The following RUFY1 variants were observed in gnomAD, a reference collection of about 807,000 sequenced individuals.
The protein encoded by RUFY1 is RUN and FYVE domain-containing protein 1.
A neutral mutation model predicts 94.6 loss-of-function variants in RUFY1; 54 were observed. That is an observed-to-expected ratio of 0.57 (90% CI 0.46 to 0.72). RUFY1 has a LOEUF of 0.72. RUFY1 is among the 30% of genes least tolerant of loss of function. The pLI is 0.00. For synonymous variants in RUFY1, 396 were observed against 347.3 expected (o/e 1.14, Z -1.56); for missense variants, 883 against 883.9 (o/e 1.00, Z 0.01).
At chr5:179,601,270 G>A (rs1766355319) in intron 14 of RUFY1, among the ~76,000 whole-genome samples, 1 of 151,896 alleles carries the variant, frequency 6.6e-6, no homozygotes, top group Non-Finnish European at 1.5e-5. Flanking sequence ...CCGGGTTCAA[G>A]CAGTTCTCTT....
rs375136394 is a variant in RUFY1, at chr5:179,562,078, AT to A, written c.485-466del. Among the ~76,000 whole-genome samples, 571 of 152,020 alleles carry A rather than the reference AT, an allele frequency of 3.8e-3. 3 individuals carry two copies. The highest frequency in any genetic ancestry group is 0.013 in the African/African-American group (557 of 41,486). On this transcript the variant is annotated intron_variant, in intron 2 of 17. Coordinates refer to ENST00000319449, the MANE Select transcript of RUFY1 (RefSeq NM_025158.5). Reference sequence around the variant, plus strand: ...TCTGTTGCCAGAGAAAGAGAGACTAATTTATTACATGGCCTCTCCCAGTCCC... The same window carrying A: ...TCTGTTGCCAGAGAAAGAGAGACTAATTATTACATGGCCTCTCCCAGTCCC...
chr5:179,552,164 CAA>C (rs563730431), intron 1 of RUFY1, among the ~76,000 whole-genome samples: 3 of 73,442 alleles, frequency 4.1e-5, no homozygotes, highest in African/African-American at 1.8e-4. Context: ...GACTCTGTCT[CAA>C]AAAAAAAAAA....
rs1762543396 is a variant in RUFY1, at chr5:179,562,716, T to C, written c.602+52T>C. 5.2e-6 allele frequency: 5 copies of C among 957,784 alleles called. No homozygotes were observed. The East Asian group carries it at 1.2e-4, about 23-fold the overall frequency. 59.3% of individuals were successfully genotyped at this position (957,784 alleles called of 1,614,324 possible). On this transcript the variant is annotated intron_variant, in intron 3 of 17. Coordinates refer to ENST00000319449, the MANE Select transcript of RUFY1 (RefSeq NM_025158.5). ...TGATGATTTTAAAAACTCCCTCATA[T>C]TTACTCATTTCTCAATTCCTTGCTG...
At chr5:179,580,241 G>GTATA (rs1554118908) in intron 6 of RUFY1, among the ~76,000 whole-genome samples, 10 of 93,882 alleles carry the variant, frequency 1.1e-4, no homozygotes, top group African/African-American at 2.1e-4. Flanking sequence ...GTGTGTGTGT[G>GTATA]TATATTTTTT....
chr5:179,576,956 CT>C (rs766484480), intron 5 of RUFY1, 118 bp from the exon 6 acceptor site: 2 of 722,306 alleles, frequency 2.8e-6, no homozygotes, highest in Non-Finnish European at 2.4e-6. Context: ...ATAGAGCTGG[CT>C]GACCTAAATA....
At chr5:179,575,783 GT>G (rs549835247) in intron 5 of RUFY1, among the ~76,000 whole-genome samples, 8 of 151,600 alleles carry the variant, frequency 5.3e-5, no homozygotes, top group Non-Finnish European at 1.0e-4. Flanking sequence ...GAGTTTTGTT[GT>G]TTTTTTTGTT....
intron 17 of RUFY1, 72 bp downstream of exon 17, chr5:179,607,731 C>T: frequency 7.4e-7 from 1 of 1,349,492 alleles, no homozygotes. Context: ...TCTCTGGTTC[C>T]AGAAGCCCAT....
chr5:179,598,692 C>G lies in RUFY1; in HGVS notation c.1632C>G (p.Cys544Trp). 6.2e-7 allele frequency: 1 copy of G among 1,614,064 alleles called. No homozygotes were observed. The highest frequency in any genetic ancestry group is 1.3e-5 in the African/African-American group (1 of 75,016). ...QLQLSQLHEQ[C>W]SSLEKELKSE... Reference sequence around the variant, plus strand: ...ACTCAAGTTCATTTTGGGAAAACAGCTCAAGCCTGGAGAAAGAATTGAAAT... The same window carrying G: ...ACTCAAGTTCATTTTGGGAAAACAGGTCAAGCCTGGAGAAAGAATTGAAAT... The change falls in exon 14 of 18, where the codon TGC becomes TGG. Residue 544 changes from cysteine to tryptophan, a missense_variant and splice_region_variant. Cys to Trp is a radical substitution (Grantham distance 215). Coordinates refer to ENST00000319449, the MANE Select transcript of RUFY1 (RefSeq NM_025158.5).
chr5:179,563,105 C>T (rs559303005), intron 3 of RUFY1, among the ~76,000 whole-genome samples: 1 of 152,220 alleles, frequency 6.6e-6, no homozygotes, highest in South Asian at 2.1e-4. Flanking sequence ...TGCTTAGGCT[C>T]AAAATCAAAA....
intron 1 of RUFY1, among the ~76,000 whole-genome samples, chr5:179,555,421 G>A (rs988278543): frequency 2.0e-5 from 3 of 152,014 alleles, no homozygotes; most frequent in South Asian, 2.1e-4. Context: ...AGATAGAACC[G>A]CTAAAAGATC....
intron 9 of RUFY1, among the ~76,000 whole-genome samples, chr5:179,590,309 G>A (rs1375268937): frequency 2.0e-5 from 3 of 150,456 alleles, no homozygotes; most frequent in Non-Finnish European, 4.4e-5. Context: ...AGCTGAGATC[G>A]CGCCACTGCA....
intron 5 of RUFY1, among the ~76,000 whole-genome samples, chr5:179,576,556 G>A (rs1433528047): frequency 1.3e-5 from 2 of 152,184 alleles, no homozygotes; most frequent in Non-Finnish European, 2.9e-5. Flanking sequence ...GATTAGCTGG[G>A]ATTACAGGCA....
At chr5:179,602,111 G>A (rs527381603) in intron 15 of RUFY1, 125 bp downstream of exon 15, 71 of 724,376 alleles carry the variant, frequency 9.8e-5, no homozygotes, top group Admixed American at 8.7e-4. Context: ...TCAGTCCGCC[G>A]TTCACGGATG....
intron 4 of RUFY1, chr5:179,568,931 C>T (rs1434213413): frequency 1.2e-5 from 7 of 594,230 alleles, no homozygotes; most frequent in South Asian, 7.4e-5. Flanking sequence ...TGTGGGATCC[C>T]ATTTCCTGTT....
chr5:179,557,513 A>G (rs550075248), intron 1 of RUFY1, among the ~76,000 whole-genome samples: 11 of 152,306 alleles, frequency 7.2e-5, no homozygotes, highest in African/African-American at 2.6e-4. Context: ...AATACTCAGA[A>G]TGGTTGGAGA....
intron 6 of RUFY1, among the ~76,000 whole-genome samples, chr5:179,580,433 G>A (rs926056896): frequency 2.0e-5 from 3 of 151,464 alleles, no homozygotes; most frequent in Non-Finnish European, 2.9e-5. Context: ...TAGTAGAGAC[G>A]GGGTTTCACC....
chr5:179,573,662 G>A (rs12522890), intron 5 of RUFY1, among the ~76,000 whole-genome samples: 62,452 of 151,850 alleles, frequency 0.41, 13,289 homozygotes, highest in East Asian at 0.73. Flanking sequence ...AGTTGGGATT[G>A]CAGGTGCCTG....
At chr5:179,604,174 G>A (rs914642016) in intron 15 of RUFY1, among the ~76,000 whole-genome samples, 4 of 152,232 alleles carry the variant, frequency 2.6e-5, no homozygotes, top group Admixed American at 6.5e-5. Flanking sequence ...AGTGAGTGCT[G>A]TGGGTGTCAC....
At chr5:179,569,549 C>A in intron 5 of RUFY1, 124 bp downstream of exon 5, 1 of 923,898 alleles carries the variant, frequency 1.1e-6, no homozygotes, top group South Asian at 1.4e-5. Flanking sequence ...TAGAGGACCC[C>A]AGGGATGCAG....
Sources: allele counts gnomAD v4.1 joint callset (sites outside exome capture counted in the v4.1 genomes callset), GRCh38; gene constraint gnomAD v4.1.1; transcripts MANE v1.5; gene names NCBI Gene and HGNC (gene_info 2026-07-23, HGNC 2026-07-21).